PPEF1: variants seen among roughly 807,000 people sequenced by gnomAD.
PPEF1 encodes protein phosphatase with EF-hand domain 1.
In PPEF1, 12 loss-of-function variants were observed where a neutral mutation model predicts 53.3. The observed-to-expected ratio is 0.23, with a 90% CI of 0.14 to 0.36. The LOEUF is 0.36. PPEF1 is among the 10% of genes least tolerant of loss of function. The pLI is 1.00. For missense variants in PPEF1, 334 were observed against 490.4 expected (o/e 0.68, Z 3.01); for synonymous variants, 165 against 176.7 (o/e 0.93, Z 0.52).
intron 6 of PPEF1, among the ~76,000 whole-genome samples, chrX:18,701,709 T>A (rs909541399): frequency 7.1e-5 from 8 of 112,424 alleles, no homozygotes; most frequent in African/African-American, 2.3e-4. Context: ...TATGTTCATA[T>A]ATTAAAGGCT....
At chrX:18,771,714 A>G (rs1335307769) in intron 6 of PPEF1, among the ~76,000 whole-genome samples, 1 of 111,866 alleles carries the variant, frequency 8.9e-6, no homozygotes, top group African/African-American at 3.2e-5. Flanking sequence ...AAACTTAACA[A>G]CTAATAGCCT....
chrX:18,767,930 T>C (rs2045809739), intron 6 of PPEF1, among the ~76,000 whole-genome samples: 2 of 111,328 alleles, frequency 1.8e-5, no homozygotes, highest in Admixed American at 9.5e-5. Context: ...AAGCAATCAC[T>C]TGATTGCTTC....
At chrX:18,774,427 T>C (rs2045926986) in intron 6 of PPEF1, among the ~76,000 whole-genome samples, 1 of 111,875 alleles carries the variant, frequency 8.9e-6, no homozygotes, top group Admixed American at 9.5e-5. Flanking sequence ...TTAGTTACAG[T>C]GTTTTGTTGA....
intron 6 of PPEF1, among the ~76,000 whole-genome samples, chrX:18,776,247 T>G (rs12013069): frequency 0.012 from 1,242 of 104,759 alleles, 9 homozygotes; most frequent in Middle Eastern, 0.024. Context: ...TTGGTTGGTT[T>G]GTTTTAGACA....
chrX:18,725,907 C>A (rs908126123), intron 1 of PPEF1, among the ~76,000 whole-genome samples: 13 of 111,008 alleles, frequency 1.2e-4, no homozygotes, highest in African/African-American at 1.6e-4. Context: ...GTGCTATATA[C>A]AAAACAGCAG....
chrX:18,676,353 AC>A (rs1928675979), intron 1 of PPEF1, among the ~76,000 whole-genome samples: 2 of 107,729 alleles, frequency 1.9e-5, no homozygotes, highest in Admixed American at 9.8e-5. Flanking sequence ...AATCCCCCCC[AC>A]ACACACACCC....
Position 18,699,548 on chromosome X carries a change from A to G in PPEF1, c.-225-785A>G, listed in dbSNP as rs955594671. Among the ~76,000 whole-genome samples, 5 of 112,254 alleles carry G rather than the reference A, an allele frequency of 4.5e-5. 1 individual carries two copies. In the South Asian group the frequency reaches 1.9e-3, roughly 42 times the overall value. On this transcript the variant is annotated intron_variant, in intron 5 of 21. Coordinates refer to the PPEF1 transcript ENST00000361511. Reference sequence around the variant, plus strand: ...CTCTGTGAACAAGAAGACCACCACTAGATTGCCTCGAACATAGCAGAACTG... The same window carrying G: ...CTCTGTGAACAAGAAGACCACCACTGGATTGCCTCGAACATAGCAGAACTG...
intron 1 of PPEF1, among the ~76,000 whole-genome samples, chrX:18,724,566 T>C (rs1266100741): frequency 8.9e-6 from 1 of 112,142 alleles, no homozygotes; most frequent in East Asian, 2.8e-4. Flanking sequence ...TGCTTCTGTC[T>C]AGAAACAAAA....
upstream of PPEF1, among the ~76,000 whole-genome samples, chrX:18,706,070 C>T: frequency 9.2e-6 from 1 of 108,141 alleles, no homozygotes; most frequent in Non-Finnish European, 1.9e-5. Context: ...GAGTTTGAGA[C>T]CAGCCTCGGC....
At position 18,730,316 on chromosome X, in the gene PPEF1, T is replaced by C; in HGVS notation, c.174+8T>C. ...GAACAAGGCCAAATGCAGGTCTGTT[T>C]TGCAAGCTTTTCTCTTCTTTTGATA... On this transcript the variant is annotated splice_region_variant and intron_variant, in intron 2 of 15. Transcript: ENST00000470157. 1 of 1,200,213 alleles carries C rather than the reference T, an allele frequency of 8.3e-7. No homozygotes were observed. Among genetic ancestry groups the C allele is most frequent in the Non-Finnish European group, 1.1e-6 (1 of 889,060 alleles).
At chrX:18,757,403 A>G (rs1053737402) in intron 4 of PPEF1, among the ~76,000 whole-genome samples, 4 of 110,246 alleles carry the variant, frequency 3.6e-5, no homozygotes, top group Non-Finnish European at 7.6e-5. Context: ...CTTGGGCTCT[A>G]AGGACCTGGG....
upstream of PPEF1, among the ~76,000 whole-genome samples, chrX:18,679,636 T>TC (rs1206042071): frequency 1.8e-5 from 2 of 111,169 alleles, no homozygotes; most frequent in African/African-American, 3.3e-5. Flanking sequence ...TTCTGCCCTT[T>TC]CCCCCCTACA....
chrX:18,736,178 G>A (rs938857718), intron 3 of PPEF1, among the ~76,000 whole-genome samples: 7 of 111,671 alleles, frequency 6.3e-5, no homozygotes, highest in African/African-American at 1.3e-4. Flanking sequence ...GAATAGGAGT[G>A]GTGAGAGAGG....
At chrX:18,730,143 C>A in intron 1 of PPEF1, 38 bp from the exon 2 acceptor site, 1 of 1,181,139 alleles carries the variant, frequency 8.5e-7, no homozygotes, top group Admixed American at 2.4e-5. Context: ...TGCATAGTAA[C>A]TGTTTTTCTT....
intron 12 of PPEF1, among the ~76,000 whole-genome samples, chrX:18,816,163 C>T (rs1254297457): frequency 9.0e-6 from 1 of 110,689 alleles, no homozygotes; most frequent in Non-Finnish European, 1.9e-5. Flanking sequence ...TTTATCTAAG[C>T]ACTACTTCAT....
chrX:18,707,819 T>C lies in PPEF1; in HGVS notation c.39T>C (p.Ser13=). The C allele has an allele frequency of 8.3e-7, 1 of 1,206,542 alleles. No individual in the cohort carries two copies. The highest frequency in any genetic ancestry group is 1.1e-6 in the Non-Finnish European group (1 of 890,812). ...CSSSSTKTRR[S]DTSLRAALII... ...GTTCTTCAACGAAAACCAGGAGATC[T>C]GACACATGTGAGTACTGGGAATGTG... Residue 13 remains serine, a synonymous_variant, in exon 1 of 16, where the codon TCT becomes TCC. Coordinates refer to ENST00000470157, the MANE Select transcript of PPEF1 (RefSeq NM_001377996.1).
chrX:18,776,695 C>A (rs1386158462), intron 6 of PPEF1, among the ~76,000 whole-genome samples: 2 of 111,159 alleles, frequency 1.8e-5, no homozygotes, highest in African/African-American at 6.5e-5. Flanking sequence ...CTGAGGTAGG[C>A]GGATCACCTG....
intron 13 of PPEF1, among the ~76,000 whole-genome samples, chrX:18,821,733 A>G (rs907141089): frequency 9.6e-6 from 1 of 104,712 alleles, no homozygotes; most frequent in African/African-American, 3.5e-5. Context: ...CTTTGAGGGA[A>G]CTGTTGAAGT....
rs749052078 is a variant in PPEF1, at chrX:18,755,360, C to T, written c.397-2267C>T. 3.7e-3 allele frequency among the ~76,000 whole-genome samples: 411 copies of T among 111,418 alleles called. 5 individuals carry two copies. Among genetic ancestry groups the T allele is most frequent in the African/African-American group, 0.013 (397 of 30,646 alleles). ...GGCAGGCAAATCACTTGAGGTCAGG[C>T]GTTCAAGACCAGCCTGGTCAACATG... On this transcript the variant is annotated intron_variant, in intron 4 of 15. Coordinates refer to ENST00000470157, the MANE Select transcript of PPEF1 (RefSeq NM_001377996.1).
Sources: gnomAD v4.1 joint callset for allele counts (sites outside exome capture counted in the v4.1 genomes callset) on GRCh38, gnomAD v4.1.1 for gene constraint, MANE v1.5 for transcripts, NCBI Gene and HGNC (gene_info 2026-07-23, HGNC 2026-07-21) for gene names.